LRRC28: variants seen among roughly 807,000 people sequenced by gnomAD.
LRRC28 encodes leucine rich repeat containing 28.
In LRRC28, 39 loss-of-function variants were observed where a neutral mutation model predicts 45.7. The ratio of observed to expected loss-of-function variants is 0.85; its 90% CI spans 0.66 to 1.12. The LOEUF (loss-of-function observed/expected upper bound fraction) is 1.12, where lower values mean the gene tolerates loss of function less well. Ranked by LOEUF, LRRC28 falls within the 50% of genes most tolerant of loss-of-function variation. The probability of loss-of-function intolerance (pLI) is 0.00; values close to 1 mark genes in which losing one functional copy is unlikely to be tolerated. For missense variants in LRRC28, 435 were observed against 438.5 expected, an observed-to-expected ratio of 0.99 and a Z score of 0.07; for synonymous variants, 206 against 178.8, an observed-to-expected ratio of 1.15 and a Z score of -1.22.
chr15:99,312,393 C>T (rs903866403), intron 5 of LRRC28, among the ~76,000 whole-genome samples: 2 of 152,124 alleles, frequency 1.3e-5, no homozygotes, highest in Admixed American at 6.5e-5. Context: ...CACTGTCTTC[C>T]ACCTCTAATC....
At chr15:99,259,355 C>T (rs1294791075) in intron 2 of LRRC28, 15 of 1,547,888 alleles carry the variant, frequency 9.7e-6, no homozygotes, top group Non-Finnish European at 8.9e-7. Flanking sequence ...TCAGGCCCTT[C>T]CCGAATTTGA....
chr15:99,301,485 G>A lies in LRRC28; in HGVS notation c.385+13534G>A, dbSNP rs565591344. On this transcript the variant is annotated intron_variant, in intron 5 of 9. Coordinates refer to ENST00000301981, the MANE Select transcript of LRRC28 (RefSeq NM_144598.5). ...TAAAACTATTTAAGTCTCCCACAAC[G>A]GAATTCCATGGAACTTTAAGTACTA... Among the ~76,000 whole-genome samples, 385 of 152,126 alleles carry A rather than the reference G, an allele frequency of 2.5e-3. 1 individual carries two copies. Among genetic ancestry groups the A allele is most frequent in the African/African-American group, 8.5e-3 (353 of 41,522 alleles).
chr15:99,303,873 C>T (rs926605635), intron 5 of LRRC28, among the ~76,000 whole-genome samples: 6 of 151,694 alleles, frequency 4.0e-5, no homozygotes, highest in African/African-American at 1.5e-4. Context: ...CAAATGGAGG[C>T]AAAGCTAGTT....
At chr15:99,332,241 C>G (rs771757358) in intron 5 of LRRC28, among the ~76,000 whole-genome samples, 1 of 152,082 alleles carries the variant, frequency 6.6e-6, no homozygotes, top group Non-Finnish European at 1.5e-5. Flanking sequence ...CCAGTGGAGC[C>G]AAGCGTGAAA....
chr15:99,383,141 A>G lies in LRRC28; in HGVS notation c.1032-2889A>G, dbSNP rs138957200. 4.1e-4 allele frequency among the ~76,000 whole-genome samples: 63 copies of G among 152,168 alleles called. 1 individual carries two copies. The highest frequency in any genetic ancestry group is 1.4e-3 in the African/African-American group (59 of 41,520). ...CTGTCCCTCTGTCCCCATCATACCT[A>G]GCCCTAGGCTTATCTACTTTCTGTC... On this transcript the variant is annotated intron_variant, in intron 9 of 9. Transcript: ENST00000301981.
At chr15:99,309,864 G>A (rs1471010576) in intron 5 of LRRC28, among the ~76,000 whole-genome samples, 1 of 152,194 alleles carries the variant, frequency 6.6e-6, no homozygotes, top group Non-Finnish European at 1.5e-5. Context: ...GAAGGCATTG[G>A]TGAGCTAATA....
chr15:99,258,696 C>A, intron 2 of LRRC28: 1 of 718,238 alleles, frequency 1.4e-6, no homozygotes, highest in South Asian at 1.4e-5. Context: ...TTCTGCAAAT[C>A]ATTTTCAAAG....
At chr15:99,293,593 C>CAAAAAAG (rs2082183897) in intron 5 of LRRC28, among the ~76,000 whole-genome samples, 1 of 44,066 alleles carries the variant, frequency 2.3e-5, no homozygotes, top group Non-Finnish European at 4.4e-5. Context: ...AACTCTGTCA[C>CAAAAAAG]AAAAAAAAAA....
rs552925354 is a variant in LRRC28 at position 99,381,219 on chromosome 15, CT to C, written c.1032-4808del. 1.6e-3 allele frequency among the ~76,000 whole-genome samples: 242 copies of C among 152,270 alleles called. 2 individuals carry two copies. The highest frequency in any genetic ancestry group is 5.0e-3 in the African/African-American group (208 of 41,548). ...CACATAGTCCCATATTTCTTGGAGG[CT>C]TTGTTTGTTTCTTTTTACTCTTTTT... is the stretch of plus-strand genomic sequence containing the variant. On this transcript the variant is annotated intron_variant, in intron 9 of 9. Coordinates refer to ENST00000301981, the MANE Select transcript of LRRC28 (RefSeq NM_144598.5).
chr15:99,260,696 G>A (rs1328665610), intron 2 of LRRC28, among the ~76,000 whole-genome samples: 1 of 152,134 alleles, frequency 6.6e-6, no homozygotes, highest in Non-Finnish European at 1.5e-5. Context: ...GTGATTCTTA[G>A]GGCTTTTGGA....
chr15:99,288,030 A>C, intron 5 of LRRC28, 79 bp downstream of exon 5: 1 of 1,335,646 alleles, frequency 7.5e-7, no homozygotes. Context: ...ATGTCTAGGC[A>C]ATGAGCTGTA....
At chr15:99,273,702 C>T (rs1197212917) in intron 2 of LRRC28, among the ~76,000 whole-genome samples, 1 of 152,020 alleles carries the variant, frequency 6.6e-6, no homozygotes, top group Non-Finnish European at 1.5e-5. Context: ...TGTAGAGCTA[C>T]ACCTCAAAAG....
chr15:99,274,622 T>TA (rs1355846761), intron 2 of LRRC28, among the ~76,000 whole-genome samples: 1 of 152,234 alleles, frequency 6.6e-6, no homozygotes, highest in Non-Finnish European at 1.5e-5. Flanking sequence ...TGCTTATTTT[T>TA]AAAAATTCAA....
rs556129055 is a variant in LRRC28, at chr15:99,334,071, G to A, written c.534G>A (p.Gln178=). The A allele has an allele frequency of 6.2e-7, 1 of 1,614,102 alleles. No individual in the cohort carries two copies. The highest frequency in any genetic ancestry group is 1.1e-5 in the South Asian group (1 of 91,084). ...RLWYVPRHLC[Q]LPSLNELSMA... is the part of the protein sequence containing the mutation. ...GGTATGTGCCGCGCCATCTCTGCCAGCTGCCCAGCCTCAATGAGCTCTCCA... is the reference window on the plus strand; with the variant it reads ...GGTATGTGCCGCGCCATCTCTGCCAACTGCCCAGCCTCAATGAGCTCTCCA... The change falls in exon 6 of 10, where the codon CAG becomes CAA. Residue 178 remains glutamine, a synonymous_variant. Coordinates refer to ENST00000301981, the MANE Select transcript of LRRC28 (RefSeq NM_144598.5).
chr15:99,336,616 A>G (rs530075048), intron 6 of LRRC28, among the ~76,000 whole-genome samples: 44 of 152,284 alleles, frequency 2.9e-4, no homozygotes, highest in African/African-American at 9.6e-4. Context: ...GCTAGAGGCT[A>G]GCGCTTTCTC....
At chr15:99,330,586 C>T (rs972947486) in intron 5 of LRRC28, among the ~76,000 whole-genome samples, 3 of 151,982 alleles carry the variant, frequency 2.0e-5, no homozygotes, top group African/African-American at 7.2e-5. Flanking sequence ...TTTTTCCCAT[C>T]CTTTTACTTT....
chr15:99,387,081 G>A lies in LRRC28; in HGVS notation c.*979G>A, dbSNP rs1375784240. 2 of 151,770 alleles carry A rather than the reference G, an allele frequency of 1.3e-5. No homozygotes were observed. Among genetic ancestry groups the A allele is most frequent in the Non-Finnish European group, 1.5e-5 (1 of 67,910 alleles). The allele number at this position is 151,770 out of a possible 1,614,324, so 9.4% of individuals were successfully genotyped here. On this transcript the variant is annotated 3_prime_UTR_variant, in exon 10 of 10. Transcript: ENST00000301981. ...ACTGGTTTTTTTTTGTTGTTGTTGA[G>A]ACGGAGTCTCGCTCTGTCGCCCAGG...
intron 5 of LRRC28, among the ~76,000 whole-genome samples, chr15:99,289,940 A>AAC (rs71149456): frequency 7.3e-5 from 1 of 13,710 alleles, no homozygotes; most frequent in Non-Finnish European, 1.6e-4. Flanking sequence ...ACTCCGTCTC[A>AAC]AAAAAAAAAA....
intron 5 of LRRC28, among the ~76,000 whole-genome samples, chr15:99,324,582 T>A (rs564475282): frequency 4.6e-5 from 7 of 152,320 alleles, no homozygotes; most frequent in Non-Finnish European, 7.3e-5. Context: ...GAACTATGAT[T>A]TAAAGGGGAC....
Sources: gnomAD v4.1 joint callset for allele counts (sites outside exome capture counted in the v4.1 genomes callset) on GRCh38, gnomAD v4.1.1 for gene constraint, MANE v1.5 for transcripts, NCBI Gene and HGNC (gene_info 2026-07-23, HGNC 2026-07-21) for gene names.